Variants in ADAM23 observed in about 807,000 individuals in gnomAD.
The protein encoded by ADAM23 is ADAM metallopeptidase domain 23.
Under a neutral mutation model 120.1 loss-of-function variants are expected in ADAM23, and 33 were observed. The ratio of observed to expected loss-of-function variants is 0.27; its 90% CI spans 0.21 to 0.37. The LOEUF is 0.37. ADAM23 is among the 10% of genes least tolerant of loss of function. The pLI is 1.00. For missense variants in ADAM23, 862 were observed against 1,058.2 expected, an observed-to-expected ratio of 0.81 and a Z score of 2.57; for synonymous variants, 367 against 375.2, an observed-to-expected ratio of 0.98 and a Z score of 0.25.
intron 3 of ADAM23, among the ~76,000 whole-genome samples, chr2:206,503,048 G>T (rs1696423112): frequency 6.6e-6 from 1 of 152,068 alleles, no homozygotes; most frequent in African/African-American, 2.4e-5. Context: ...GGCTGTATAG[G>T]CCAATGGGCT....
chr2:206,529,168 T>G (rs1696999700), intron 3 of ADAM23, among the ~76,000 whole-genome samples: 1 of 152,170 alleles, frequency 6.6e-6, no homozygotes, highest in South Asian at 2.1e-4. Context: ...CTGTACTGAA[T>G]AAGTACTAGG....
At chr2:206,497,293 G>A (rs1696274416) in intron 3 of ADAM23, among the ~76,000 whole-genome samples, 1 of 152,142 alleles carries the variant, frequency 6.6e-6, no homozygotes, top group Admixed American at 6.5e-5. Flanking sequence ...ACATCAAAAA[G>A]CTTATCCACC....
Position 206,560,447 on chromosome 2 carries a change from G to A in ADAM23, c.1169+329G>A, listed in dbSNP as rs78546375. ...GGGCAAAAGGGTACTCCTTCCAGCC[G>A]AGCTGACTGCTGTAAAGCAGGTTTC... is the stretch of plus-strand genomic sequence containing the variant. On this transcript the variant is annotated intron_variant, in intron 11 of 25. Coordinates refer to ENST00000264377, the MANE Select transcript of ADAM23 (RefSeq NM_003812.4). 7.8e-3 allele frequency among the ~76,000 whole-genome samples: 1,190 copies of A among 152,138 alleles called. 7 individuals carry two copies. Among genetic ancestry groups the A allele is most frequent in the Admixed American group, 0.011 (163 of 15,270 alleles).
At chr2:206,568,796 C>T (rs1041765443) in intron 15 of ADAM23, among the ~76,000 whole-genome samples, 1 of 152,094 alleles carries the variant, frequency 6.6e-6, no homozygotes, top group Non-Finnish European at 1.5e-5. Flanking sequence ...GAGAGAGCAG[C>T]GAAATAATGT....
chr2:206,587,961 TC>T, intron 19 of ADAM23, 129 bp from the exon 20 acceptor site: 1 of 845,152 alleles, frequency 1.2e-6, no homozygotes, highest in Non-Finnish European at 1.9e-6. Flanking sequence ...TCCTTACTGG[TC>T]ACTATAAAAA....
intron 6 of ADAM23, among the ~76,000 whole-genome samples, chr2:206,544,065 A>G (rs572218941): frequency 1.7e-4 from 26 of 152,280 alleles, no homozygotes; most frequent in African/African-American, 6.3e-4. Context: ...AGAAATCACC[A>G]CTAAAGAACT....
intron 15 of ADAM23, 69 bp downstream of exon 15, chr2:206,567,391 G>A: frequency 7.9e-7 from 1 of 1,258,556 alleles, no homozygotes; most frequent in Non-Finnish European, 1.1e-6. Context: ...CAACAGTGCT[G>A]GATATCAGAC....
At chr2:206,555,097 T>G (rs1390892063) in intron 9 of ADAM23, among the ~76,000 whole-genome samples, 1 of 152,166 alleles carries the variant, frequency 6.6e-6, no homozygotes, top group African/African-American at 2.4e-5. Flanking sequence ...GCCTCAAGTC[T>G]TTAAGTGGGA....
intron 5 of ADAM23, among the ~76,000 whole-genome samples, chr2:206,542,506 A>C (rs1697312275): frequency 1.3e-5 from 2 of 152,170 alleles, no homozygotes; most frequent in African/African-American, 4.8e-5. Context: ...TAAGAAACTT[A>C]GACCTAACAG....
intron 3 of ADAM23, among the ~76,000 whole-genome samples, chr2:206,521,342 T>C (rs2105790337): frequency 6.6e-6 from 1 of 151,820 alleles, no homozygotes; most frequent in Non-Finnish European, 1.5e-5. Flanking sequence ...GCATGGTAGG[T>C]GGTGGTATTG....
At chr2:206,462,643 A>T (rs1333935984) in intron 2 of ADAM23, among the ~76,000 whole-genome samples, 1 of 152,146 alleles carries the variant, frequency 6.6e-6, no homozygotes, top group African/African-American at 2.4e-5. Context: ...GAGACTCAGC[A>T]AGAACAGCTG....
At chr2:206,593,054 A>G (rs974273170) in intron 22 of ADAM23, among the ~76,000 whole-genome samples, 2 of 152,164 alleles carry the variant, frequency 1.3e-5, no homozygotes, top group African/African-American at 2.4e-5. Flanking sequence ...GTATGCCACT[A>G]TTTTGAACAC....
chr2:206,560,317 C>T lies in ADAM23; in HGVS notation c.1169+199C>T, dbSNP rs1697738201. 2.0e-5 allele frequency among the ~76,000 whole-genome samples: 3 copies of T among 151,836 alleles called. No homozygotes were observed. In the South Asian group the frequency reaches 6.3e-4, roughly 32 times the overall value. On this transcript the variant is annotated intron_variant, in intron 11 of 25. Transcript: ENST00000264377. ...GATGGTTCTGTAGTCACAATATCTA[C>T]CTTTAGAGCCCATAACTTCCATCCT...
chr2:206,444,345 A>C (rs1367269788), intron 1 of ADAM23, among the ~76,000 whole-genome samples: 2 of 152,224 alleles, frequency 1.3e-5, no homozygotes, highest in Non-Finnish European at 2.9e-5. Context: ...TGGGTCCCTC[A>C]GCGATCTCTG....
At chr2:206,499,393 A>G (rs1448587197) in intron 3 of ADAM23, among the ~76,000 whole-genome samples, 2 of 150,672 alleles carry the variant, frequency 1.3e-5, no homozygotes, top group Admixed American at 1.3e-4. Context: ...TATCGCAAGG[A>G]CAAAAAACCA....
chr2:206,451,356 C>T (rs1426023479), intron 2 of ADAM23, among the ~76,000 whole-genome samples: 3 of 152,224 alleles, frequency 2.0e-5, no homozygotes, highest in Non-Finnish European at 4.4e-5. Flanking sequence ...TCTCCCACTT[C>T]AGCCTCCCAT....
chr2:206,511,495 G>C (rs1696622425), intron 3 of ADAM23, among the ~76,000 whole-genome samples: 1 of 152,166 alleles, frequency 6.6e-6, no homozygotes, highest in Non-Finnish European at 1.5e-5. Context: ...AGCTTGTTTG[G>C]AGTTTGTTGT....
intron 3 of ADAM23, among the ~76,000 whole-genome samples, chr2:206,485,458 A>C (rs546443620): frequency 2.0e-5 from 3 of 152,336 alleles, no homozygotes; most frequent in South Asian, 2.1e-4. Flanking sequence ...AGGAATGAGC[A>C]CATAAAGGTG....
Position 206,617,794 on chromosome 2 carries a change from T to C in ADAM23, c.*167T>C, listed in dbSNP as rs1574570007. The stretch of plus-strand genomic sequence containing the variant: ...GATGGGGTAAAAGAAAACTGTCTCT[T>C]TTGGAAATAATGTCAAAGAACACCT... On this transcript the variant is annotated 3_prime_UTR_variant, in exon 26 of 26. Transcript: ENST00000264377. The C allele has an allele frequency of 7.2e-7, 1 of 1,386,500 alleles. No homozygotes were observed. Among genetic ancestry groups the C allele is most frequent in the Non-Finnish European group, 9.4e-7 (1 of 1,059,328 alleles). 85.9% of individuals were successfully genotyped at this position (1,386,500 alleles called of 1,614,324 possible).
Sources: gnomAD v4.1 joint callset for allele counts (sites outside exome capture counted in the v4.1 genomes callset) on GRCh38, gnomAD v4.1.1 for gene constraint, MANE v1.5 for transcripts, NCBI Gene and HGNC (gene_info 2026-07-23, HGNC 2026-07-21) for gene names.